ELAVL1: variants seen among roughly 807,000 people sequenced by gnomAD.
ELAVL1 encodes the protein ELAV like RNA binding protein 1.
A neutral mutation model predicts 28.4 loss-of-function variants in ELAVL1; 1 was observed. The observed-to-expected ratio is 0.04, with a 90% CI of 0.01 to 0.17. The LOEUF (loss-of-function observed/expected upper bound fraction) is 0.17, where lower values mean the gene tolerates loss of function less well. Among genes scored for constraint, ELAVL1 ranks in the 10% least tolerant of loss-of-function variants. The pLI is 1.00. For missense variants in ELAVL1, 157 were observed against 447.2 expected (o/e 0.35, Z 5.85); for synonymous variants, 174 against 183.5 (o/e 0.95, Z 0.42).
intron 4 of ELAVL1, among the ~76,000 whole-genome samples, chr19:7,970,678 C>T (rs1274537581): frequency 1.3e-5 from 2 of 152,064 alleles, no homozygotes; most frequent in Non-Finnish European, 2.9e-5. Context: ...GATATAGAAG[C>T]GAAGGAATAC....
At chr19:7,968,720 T>C (rs879938198) in intron 4 of ELAVL1, among the ~76,000 whole-genome samples, 1 of 152,236 alleles carries the variant, frequency 6.6e-6, no homozygotes, top group African/African-American at 2.4e-5. Flanking sequence ...ATTGGTCAGC[T>C]GGGCATGGGT....
intron 1 of ELAVL1, among the ~76,000 whole-genome samples, chr19:8,003,028 G>A (rs575673632): frequency 1.3e-4 from 20 of 152,244 alleles, no homozygotes; most frequent in Admixed American, 7.2e-4. Context: ...GATGGGAAGC[G>A]GAGAGTGAGA....
chr19:7,997,545 G>A (rs1411167671), intron 1 of ELAVL1, among the ~76,000 whole-genome samples: 1 of 152,218 alleles, frequency 6.6e-6, no homozygotes, highest in East Asian at 1.9e-4. Context: ...GTGGGAGAGC[G>A]AACTTTCCAA....
In ELAVL1 at chr19:7,967,578, C is replaced by T; in HGVS notation, c.643G>A (p.Ala215Thr). Residue 215 changes from alanine (A) to threonine (T), a missense_variant, in exon 5 of 6, where the codon GCG (alanine) becomes ACG (threonine). Coordinates refer to ENST00000407627, the MANE Select transcript of ELAVL1 (RefSeq NM_001419.3). ...CTCCCGACCCACCTGAATCTCTGCGCCTGGTGGTGAACGGGGCCTCCGAAC... is the reference window on the plus strand; with the variant it reads ...CTCCCGACCCACCTGAATCTCTGCGTCTGGTGGTGAACGGGGCCTCCGAAC... ...RRFGGPVHHQ[A>T]QRFRFSPMGV... 2 of 1,613,900 alleles carry T rather than the reference C, an allele frequency of 1.2e-6. No individual in the cohort carries two copies. The highest frequency in any genetic ancestry group is 8.5e-7 in the Non-Finnish European group (1 of 1,179,916).
In ELAVL1 at chr19:7,961,712, A is replaced by G. The variant is rs1325574920; in HGVS notation, c.*1771T>C. On this transcript the variant is annotated 3_prime_UTR_variant, in exon 6 of 6. Transcript: ENST00000407627. The stretch of plus-strand genomic sequence containing the variant: ...TCATCAATTTGCAAGGATCGCGCAC[A>G]CAGCCCCTCAGTAAAAGATCAGGGA... 6.6e-6 allele frequency: 1 copy of G among 152,136 alleles called. No individual in the cohort carries two copies. Among genetic ancestry groups the G allele is most frequent in the African/African-American group, 2.4e-5 (1 of 41,414 alleles). 9.4% of individuals were successfully genotyped at this position (152,136 alleles called of 1,614,324 possible). A position where few individuals can be genotyped will look rare whatever the true frequency, so the allele number is the denominator to read the frequency against.
chr19:7,984,344 A>T (rs1985544572), intron 2 of ELAVL1, among the ~76,000 whole-genome samples: 1 of 152,196 alleles, frequency 6.6e-6, no homozygotes, highest in South Asian at 2.1e-4. Context: ...GACAGGGGTC[A>T]GGAGGGCCCG....
chr19:7,994,952 T>TCAAAA (rs776609611), intron 1 of ELAVL1, among the ~76,000 whole-genome samples: 2 of 151,986 alleles, frequency 1.3e-5, no homozygotes, highest in African/African-American at 4.8e-5. Context: ...AGACTCTGTC[T>TCAAAA]CAAAACAAAA....
chr19:7,970,080 C>T (rs1985065417), intron 4 of ELAVL1, among the ~76,000 whole-genome samples: 1 of 152,162 alleles, frequency 6.6e-6, no homozygotes, highest in African/African-American at 2.4e-5. Context: ...TCAAGTGATT[C>T]TCCTGCTTCA....
At chr19:7,996,018 TC>T (rs1207910458) in intron 1 of ELAVL1, among the ~76,000 whole-genome samples, 1 of 151,718 alleles carries the variant, frequency 6.6e-6, no homozygotes, top group East Asian at 1.9e-4. Flanking sequence ...GTTCAAGCAA[TC>T]CTCCTGCCTC....
intron 2 of ELAVL1, among the ~76,000 whole-genome samples, chr19:7,983,379 T>C (rs956152737): frequency 2.5e-4 from 38 of 152,230 alleles, no homozygotes; most frequent in Admixed American, 2.0e-3. Context: ...AGTGTGAAAC[T>C]GGCAGGTGTC....
chr19:7,974,354 C>T (rs1008291305), intron 3 of ELAVL1, among the ~76,000 whole-genome samples: 2 of 152,228 alleles, frequency 1.3e-5, no homozygotes, highest in Non-Finnish European at 2.9e-5. Flanking sequence ...GGGAGGACCC[C>T]GAGTTTGTAC....
chr19:7,984,659 T>G (rs1985553474), intron 2 of ELAVL1, among the ~76,000 whole-genome samples: 1 of 152,106 alleles, frequency 6.6e-6, no homozygotes, highest in African/African-American at 2.4e-5. Flanking sequence ...AGGCTGAGCC[T>G]TGTGAGTCAA....
Position 7,981,629 on chromosome 19 carries a change from C to A in ELAVL1, c.173-443G>T. Among the ~76,000 whole-genome samples the A allele has an allele frequency of 6.6e-6, 1 of 152,140 alleles. No homozygotes were observed. Among genetic ancestry groups the A allele is most frequent in the East Asian group, 1.9e-4 (1 of 5,196 alleles). ...CCCACCTCGGCCCCACCTCGACCTC[C>A]CAAAGTGTTGGGATTACAGATGTGA... On this transcript the variant is annotated intron_variant, in intron 2 of 5. Transcript: ENST00000407627. The surrounding 1 kb of genome is among the most constrained non-coding windows in gnomAD (Gnocchi z 4.2).
intron 1 of ELAVL1, among the ~76,000 whole-genome samples, chr19:7,992,814 T>G (rs914802002): frequency 6.6e-6 from 1 of 152,120 alleles, no homozygotes. Context: ...TGTGAGATGC[T>G]AATAATGGGT....
At chr19:7,968,696 C>T (rs1295052972) in intron 4 of ELAVL1, among the ~76,000 whole-genome samples, 1 of 152,248 alleles carries the variant, frequency 6.6e-6, no homozygotes, top group Non-Finnish European at 1.5e-5. Flanking sequence ...GAGGACCGTC[C>T]TGCTATGGGG....
Position 7,961,413 on chromosome 19 carries a change from C to G in ELAVL1, c.*2070G>C, listed in dbSNP as rs926864148. ...CCTTCCATCAGAAGGGTGTTGGCTC[C>G]CACCTTCCATCAGAAGGGTGTTGGC... is the stretch of plus-strand genomic sequence containing the variant. On this transcript the variant is annotated 3_prime_UTR_variant, in exon 6 of 6. Transcript: ENST00000407627. 2.6e-5 allele frequency: 4 copies of G among 151,762 alleles called. No individual in the cohort carries two copies. Among genetic ancestry groups the G allele is most frequent in the Non-Finnish European group, 5.9e-5 (4 of 67,958 alleles). The allele number at this position is 151,762 out of a possible 1,614,324, so 9.4% of individuals were successfully genotyped here.
intron 4 of ELAVL1, among the ~76,000 whole-genome samples, chr19:7,971,599 G>A (rs181135262): frequency 1.3e-5 from 2 of 152,354 alleles, no homozygotes; most frequent in East Asian, 1.9e-4. Flanking sequence ...AGTTTACACC[G>A]AGTAACTGGC....
Position 7,963,689 on chromosome 19 carries a change from T to A in ELAVL1, c.775A>T (p.Ile259Phe). The A allele has an allele frequency of 6.2e-7, 1 of 1,614,228 alleles. No individual in the cohort carries two copies. The highest frequency in any genetic ancestry group is 8.5e-7 in the Non-Finnish European group (1 of 1,180,042). ...YNLGQDADEG[I>F]LWQMFGPFGA... The stretch of plus-strand genomic sequence containing the variant: ...AACGGCCCAAACATCTGCCAGAGGA[T>A]CCCCTCGTCGGCATCCTGCCCCAGG... Residue 259 changes from isoleucine to phenylalanine, a missense_variant, in exon 6 of 6, where the codon ATC becomes TTC. Ile to Phe is a conservative substitution (Grantham distance 21). Coordinates refer to ENST00000407627, the MANE Select transcript of ELAVL1 (RefSeq NM_001419.3). The surrounding 1 kb of genome is among the most constrained non-coding windows in gnomAD (Gnocchi z 4.5).
At chr19:8,003,042 G>GC (rs1203920089) in intron 1 of ELAVL1, among the ~76,000 whole-genome samples, 1 of 152,070 alleles carries the variant, frequency 6.6e-6, no homozygotes, top group African/African-American at 2.4e-5. Context: ...AGTGAGAGAG[G>GC]CAAGAAATTT....
Sources: gnomAD v4.1 joint callset for allele counts (sites outside exome capture counted in the v4.1 genomes callset) on GRCh38, gnomAD v4.1.1 for gene constraint, Gnocchi (gnomAD v3.1) non-coding constraint, MANE v1.5 for transcripts, NCBI Gene and HGNC (gene_info 2026-07-23, HGNC 2026-07-21) for gene names.